CHST11: variants seen among roughly 807,000 people sequenced by gnomAD.
CHST11 encodes the protein C4S-1.
In CHST11, 9 loss-of-function variants were observed where a neutral mutation model predicts 30.4. The ratio of observed to expected loss-of-function variants is 0.30; its 90% CI spans 0.18 to 0.52. The LOEUF is 0.52. Among genes scored for constraint, CHST11 ranks in the 20% least tolerant of loss-of-function variants. The probability of loss-of-function intolerance (pLI) is 0.97; values close to 1 mark genes in which losing one functional copy is unlikely to be tolerated. For missense variants in CHST11, 348 were observed against 460.6 expected (o/e 0.76, Z 2.24); for synonymous variants, 152 against 187.8 (o/e 0.81, Z 1.56).
At chr12:104,639,368 A>T (rs2039354039) in intron 2 of CHST11, among the ~76,000 whole-genome samples, 1 of 152,200 alleles carries the variant, frequency 6.6e-6, no homozygotes, top group African/African-American at 2.4e-5. Flanking sequence ...AAATGTCCAT[A>T]AGCTTGTGAA....
At chr12:104,716,515 A>G (rs899757502) in intron 2 of CHST11, among the ~76,000 whole-genome samples, 2 of 152,208 alleles carry the variant, frequency 1.3e-5, no homozygotes, top group Non-Finnish European at 2.9e-5. Context: ...TGTTTCTATG[A>G]TCGTCTCGCA....
At chr12:104,569,932 G>A (rs753938335) in intron 1 of CHST11, among the ~76,000 whole-genome samples, 1 of 152,128 alleles carries the variant, frequency 6.6e-6, no homozygotes, top group African/African-American at 2.4e-5. Flanking sequence ...CTTTGCATGC[G>A]GTCAGAGTGC....
intron 1 of CHST11, among the ~76,000 whole-genome samples, chr12:104,549,485 G>T (rs756034520): frequency 6.6e-6 from 1 of 152,182 alleles, no homozygotes; most frequent in Non-Finnish European, 1.5e-5. Flanking sequence ...ATGTCCTGTT[G>T]TCAGTTTCTT....
In CHST11 at chr12:104,760,819, T is replaced by C. The variant is rs1334123073; in HGVS notation, c.*3016T>C. The C allele has an allele frequency of 6.6e-6, 1 of 152,224 alleles. No homozygotes were observed. Among genetic ancestry groups the C allele is most frequent in the Non-Finnish European group, 1.5e-5 (1 of 68,034 alleles). The allele number at this position is 152,224 out of a possible 1,614,324, so 9.4% of individuals were successfully genotyped here. A position where few individuals can be genotyped will look rare whatever the true frequency, so the allele number is the denominator to read the frequency against. ...ACTTTAAAAAAAATGGATTCAACTGTTTTTGCAGAATGTAGAAAGTATTCT... is the reference window on the plus strand; with the variant it reads ...ACTTTAAAAAAAATGGATTCAACTGCTTTTGCAGAATGTAGAAAGTATTCT... On this transcript the variant is annotated 3_prime_UTR_variant, in exon 3 of 3. Coordinates refer to ENST00000303694, the MANE Select transcript of CHST11 (RefSeq NM_018413.6).
At chr12:104,606,000 T>C (rs2039001014) in intron 2 of CHST11, among the ~76,000 whole-genome samples, 1 of 152,026 alleles carries the variant, frequency 6.6e-6, no homozygotes, top group Non-Finnish European at 1.5e-5. Context: ...TGCTCTGTGA[T>C]TACTATGTTG....
chr12:104,553,676 G>C (rs1016543528), intron 1 of CHST11, among the ~76,000 whole-genome samples: 1 of 151,958 alleles, frequency 6.6e-6, no homozygotes, highest in African/African-American at 2.4e-5. Flanking sequence ...AGAACAGCAT[G>C]GGGGGAAATC....
At position 104,643,856 on chromosome 12, in the gene CHST11, A is replaced by G. The variant is rs74325192; in HGVS notation, c.204+41865A>G. Among the ~76,000 whole-genome samples, 704 of 152,048 alleles carry G rather than the reference A, an allele frequency of 4.6e-3. 9 individuals are homozygous for G. The highest frequency in any genetic ancestry group is 0.016 in the African/African-American group (660 of 41,430). ...CTGTTTTAACCCAGGGTAAGAAGGGACCTCTCTAGAACATTTCTCAGCTGT... is the reference window on the plus strand; with the variant it reads ...CTGTTTTAACCCAGGGTAAGAAGGGGCCTCTCTAGAACATTTCTCAGCTGT... On this transcript the variant is annotated intron_variant, in intron 2 of 2. Coordinates refer to ENST00000303694, the MANE Select transcript of CHST11 (RefSeq NM_018413.6).
chr12:104,756,994 C>A lies in CHST11; in HGVS notation c.250C>A (p.Gln84Lys), dbSNP rs1171840707. 14 of 1,612,844 alleles carry A rather than the reference C, an allele frequency of 8.7e-6. No homozygotes were observed. Among genetic ancestry groups the A allele is most frequent in the Non-Finnish European group, 8.5e-6 (10 of 1,179,590 alleles). ...TAVLHQMRRD[Q>K]VTDTCRANSA... ...TGTCCTGCACCAGATGCGGCGGGAC[C>A]AGGTGACAGACACGTGCCGAGCCAA... Residue 84 changes from glutamine to lysine, a missense_variant, in exon 3 of 3, where the codon CAG (glutamine) becomes AAG (lysine). Around this residue, in one of 3 missense-constraint regions of CHST11, gnomAD observed 135 missense variants for 155.8 expected, o/e 0.87. Coordinates refer to ENST00000303694, the MANE Select transcript of CHST11 (RefSeq NM_018413.6).
At chr12:104,697,006 T>C (rs955872498) in intron 2 of CHST11, among the ~76,000 whole-genome samples, 7 of 152,342 alleles carry the variant, frequency 4.6e-5, no homozygotes, top group Admixed American at 3.9e-4. Context: ...GCATTCTATT[T>C]ATGTATCTAC....
chr12:104,562,765 G>A (rs546455020), intron 1 of CHST11, among the ~76,000 whole-genome samples: 1 of 152,174 alleles, frequency 6.6e-6, no homozygotes, highest in Non-Finnish European at 1.5e-5. Context: ...GTTGAGTTAG[G>A]GCTGAGTCTT....
chr12:104,459,804 T>C (rs1266818834), intron 1 of CHST11, among the ~76,000 whole-genome samples: 4 of 152,216 alleles, frequency 2.6e-5, no homozygotes, highest in African/African-American at 9.7e-5. Flanking sequence ...TCTCCCATTG[T>C]TTATTATTTA....
intron 1 of CHST11, among the ~76,000 whole-genome samples, chr12:104,509,600 C>T (rs2037943186): frequency 6.6e-6 from 1 of 152,134 alleles, no homozygotes; most frequent in East Asian, 1.9e-4. Flanking sequence ...TTTCATCTTA[C>T]TCTCGTGATA....
chr12:104,756,273 G>A (rs886800157), intron 2 of CHST11, among the ~76,000 whole-genome samples: 5 of 152,218 alleles, frequency 3.3e-5, no homozygotes, highest in African/African-American at 1.2e-4. Context: ...TGGCAGAGCA[G>A]GCAGAGTGCC....
intron 2 of CHST11, among the ~76,000 whole-genome samples, chr12:104,659,103 C>A (rs962651551): frequency 1.3e-5 from 2 of 152,238 alleles, no homozygotes; most frequent in African/African-American, 4.8e-5. Flanking sequence ...ATTGGAGGGG[C>A]TCAGAGGAAT....
At chr12:104,723,300 C>T (rs536692513) in intron 2 of CHST11, among the ~76,000 whole-genome samples, 2 of 152,246 alleles carry the variant, frequency 1.3e-5, no homozygotes, top group East Asian at 3.9e-4. Context: ...GAGAGGCTGC[C>T]GACTTGCCCG....
At chr12:104,505,690 A>G (rs1457475909) in intron 1 of CHST11, among the ~76,000 whole-genome samples, 1 of 152,242 alleles carries the variant, frequency 6.6e-6, no homozygotes, top group Non-Finnish European at 1.5e-5. Flanking sequence ...CATATCACTT[A>G]GGGCCAAATT....
At chr12:104,575,192 CAA>C (rs560384722) in intron 1 of CHST11, among the ~76,000 whole-genome samples, 12 of 132,054 alleles carry the variant, frequency 9.1e-5, no homozygotes, top group Non-Finnish European at 8.2e-5. Context: ...GATCCTGTCT[CAA>C]AAAAAAAAAA....
chr12:104,493,311 T>C (rs1322385554), intron 1 of CHST11, among the ~76,000 whole-genome samples: 2 of 152,224 alleles, frequency 1.3e-5, no homozygotes, highest in Admixed American at 1.3e-4. Context: ...TTTATTGCTT[T>C]CTCATCAGAT....
In CHST11 at chr12:104,615,581, G is replaced by A. The variant is rs532882767; in HGVS notation, c.204+13590G>A. ...CACCAGCGCCTGCCGGCTGTGTGATGTAGGAGAGCTTCTTACCAGCTCTGT... is the reference window on the plus strand; with the variant it reads ...CACCAGCGCCTGCCGGCTGTGTGATATAGGAGAGCTTCTTACCAGCTCTGT... On this transcript the variant is annotated intron_variant, in intron 2 of 2. Coordinates refer to ENST00000303694, the MANE Select transcript of CHST11 (RefSeq NM_018413.6). Among the ~76,000 whole-genome samples the A allele has an allele frequency of 3.3e-5, 5 of 152,322 alleles. No homozygotes were observed. The South Asian group carries it at 1.0e-3, about 32-fold the overall frequency.
Sources: allele counts gnomAD v4.1 joint callset (sites outside exome capture counted in the v4.1 genomes callset), GRCh38; gene constraint gnomAD v4.1.1; regional missense constraint gnomAD v4.1.1; transcripts MANE v1.5; gene names NCBI Gene and HGNC (gene_info 2026-07-23, HGNC 2026-07-21).